The following ERCC6L variants were observed in gnomAD, a reference collection of about 807,000 sequenced individuals.
ERCC6L encodes the protein ERCC excision repair 6 like, spindle assembly checkpoint helicase.
In ERCC6L, 7 loss-of-function variants were observed where a neutral mutation model predicts 20.1. That is an observed-to-expected ratio of 0.35 (90% CI 0.20 to 0.65). ERCC6L has a LOEUF of 0.65. Among genes scored for constraint, ERCC6L ranks in the 30% least tolerant of loss-of-function variants. ERCC6L has a pLI of 0.69. For missense variants in ERCC6L, 592 were observed against 892.4 expected, an observed-to-expected ratio of 0.66 and a Z score of 4.29; for synonymous variants, 278 against 331.3, an observed-to-expected ratio of 0.84 and a Z score of 1.75.
intron 1 of ERCC6L, among the ~76,000 whole-genome samples, chrX:72,220,581 C>A (rs187596796): frequency 3.8e-4 from 42 of 111,025 alleles, no homozygotes; most frequent in Non-Finnish European, 7.2e-4. Flanking sequence ...GATAACCCCC[C>A]TCTGGCCAGG....
intron 1 of ERCC6L, among the ~76,000 whole-genome samples, chrX:72,219,718 G>A (rs955149518): frequency 1.1e-4 from 12 of 105,198 alleles, no homozygotes; most frequent in African/African-American, 3.2e-4. Context: ...GCGTGGTGGT[G>A]CACGCCTGTC....
intron 1 of ERCC6L, among the ~76,000 whole-genome samples, chrX:72,210,736 A>G (rs2042849611): frequency 9.0e-6 from 1 of 111,418 alleles, no homozygotes; most frequent in Non-Finnish European, 1.9e-5. Context: ...GCTGTGCTCT[A>G]CCCACCCTCT....
intron 1 of ERCC6L, among the ~76,000 whole-genome samples, chrX:72,234,475 A>T (rs1301371835): frequency 1.8e-5 from 2 of 112,332 alleles, no homozygotes; most frequent in Non-Finnish European, 3.8e-5. Flanking sequence ...AAGTTAGGAG[A>T]AAAGAAATAG....
chrX:72,207,730 T>G lies in ERCC6L; in HGVS notation c.1037A>C (p.Asn346Thr), dbSNP rs149128529. 4 of 1,211,766 alleles carry G rather than the reference T, an allele frequency of 3.3e-6. No individual in the cohort carries two copies. The Admixed American group carries it at 8.7e-5, about 26-fold the overall frequency. The change falls in exon 2 of 2, where the codon AAT (asparagine) becomes ACT (threonine). Residue 346 changes from asparagine to threonine, a missense_variant. This residue lies in a region of ERCC6L where 196 missense variants were observed against 440.1 expected (regional missense o/e 0.45). Coordinates refer to ENST00000334463, the MANE Select transcript of ERCC6L (RefSeq NM_017669.4). The stretch of plus-strand genomic sequence containing the variant: ...GGCATCAACATCTGGATTCTTTTCA[T>G]TAAGTCTGGCCTCTGGGTTGCTTGA... ...KKSSNPEARL[N>T]EKNPDVDAIC...
chrX:72,205,907 T>C lies in ERCC6L; in HGVS notation c.2860A>G (p.Asn954Asp), dbSNP rs2042816165. 8.3e-7 allele frequency: 1 copy of C among 1,211,149 alleles called. No homozygotes were observed. Among genetic ancestry groups the C allele is most frequent in the Admixed American group, 2.2e-5 (1 of 45,964 alleles). Residue 954 changes from asparagine (N) to aspartate (D), a missense_variant, in exon 2 of 2, where the codon AAT becomes GAT. Transcript: ENST00000334463. Reference protein sequence around the residue: ...ASSPQYACDFNLFLEDSADNR... With the variant: ...ASSPQYACDFDLFLEDSADNR... ...TCTGCTGAGTCTTCCAAGAAAAGAT[T>C]GAAATCACATGCATACTGTGGTGAA...
intron 1 of ERCC6L, among the ~76,000 whole-genome samples, chrX:72,218,728 CA>C (rs1222877084): frequency 9.0e-6 from 1 of 111,255 alleles, no homozygotes; most frequent in Non-Finnish European, 1.9e-5. Context: ...TCAATTTCTA[CA>C]AAAAAGCCAG....
At chrX:72,213,799 A>G (rs1454234913) in intron 1 of ERCC6L, among the ~76,000 whole-genome samples, 1 of 111,851 alleles carries the variant, frequency 8.9e-6, no homozygotes, top group African/African-American at 3.3e-5. Context: ...ATGTGGCCCA[A>G]GGTTCCATTC....
intron 1 of ERCC6L, among the ~76,000 whole-genome samples, chrX:72,213,793 G>A (rs2042871589): frequency 9.0e-6 from 1 of 111,712 alleles, no homozygotes; most frequent in African/African-American, 3.3e-5. Flanking sequence ...CTCACCATGT[G>A]GCCCAAGGTT....
chrX:72,230,856 T>C (rs765232808), intron 1 of ERCC6L, among the ~76,000 whole-genome samples: 1 of 111,598 alleles, frequency 9.0e-6, no homozygotes, highest in Admixed American at 9.5e-5. Context: ...TCCCAGCTAC[T>C]TGGGGGGCTG....
At chrX:72,236,596 C>T (rs1411474268) in intron 1 of ERCC6L, among the ~76,000 whole-genome samples, 1 of 111,881 alleles carries the variant, frequency 8.9e-6, no homozygotes, top group East Asian at 2.8e-4. Flanking sequence ...ACCCAGCCTA[C>T]AAAAATCTTT....
chrX:72,206,615 G>A lies in ERCC6L; in HGVS notation c.2152C>T (p.Leu718=). Residue 718 remains leucine, a synonymous_variant, in exon 2 of 2, where the codon CTG becomes TTG. Coordinates refer to ENST00000334463, the MANE Select transcript of ERCC6L (RefSeq NM_017669.4). ...TTTCTAGTTCTTTGTTGTTCCATCAGGAACTCTTTATTTTGAGACTCGAAT... is the reference window on the plus strand; with the variant it reads ...TTTCTAGTTCTTTGTTGTTCCATCAAGAACTCTTTATTTTGAGACTCGAAT... ...VEFESQNKEF[L]MEQQRTRNEG... 8.3e-7 allele frequency: 1 copy of A among 1,211,350 alleles called. No homozygotes were observed. The highest frequency in any genetic ancestry group is 1.1e-6 in the Non-Finnish European group (1 of 895,409).
chrX:72,233,038 G>A (rs1440727759), intron 1 of ERCC6L, among the ~76,000 whole-genome samples: 1 of 111,361 alleles, frequency 9.0e-6, no homozygotes, highest in Non-Finnish European at 1.9e-5. Context: ...TATCCTGAAC[G>A]TATTACTTCC....
chrX:72,210,187 G>T (rs991381368), intron 1 of ERCC6L, among the ~76,000 whole-genome samples: 1 of 69,689 alleles, frequency 1.4e-5, no homozygotes, highest in Non-Finnish European at 2.3e-5. Context: ...ATAACATAGC[G>T]AGACTGTCTC....
chrX:72,217,593 T>C (rs1005910909), intron 1 of ERCC6L, among the ~76,000 whole-genome samples: 5 of 111,862 alleles, frequency 4.5e-5, no homozygotes, highest in Non-Finnish European at 7.5e-5. Context: ...TATTTATGCA[T>C]ATATTGTGAA....
At position 72,238,999 on chromosome X, in the gene ERCC6L, T is replaced by C; in HGVS notation, c.-88A>G. 2 of 929,807 alleles carry C rather than the reference T, an allele frequency of 2.2e-6. No homozygotes were observed. The highest frequency in any genetic ancestry group is 6.8e-5 in the East Asian group (2 of 29,365). 76.6% of individuals were successfully genotyped at this position (929,807 alleles called of 1,213,427 possible). On this transcript the variant is annotated 5_prime_UTR_variant, in exon 1 of 2. Transcript: ENST00000334463. ...AGCTTGGAGCTTAGAGTTTGGAGCT[T>C]GAATTTCGCTCACTCCCGCCCCGCG...
rs367844894 is a variant in ERCC6L, at chrX:72,207,406, G to C, written c.1361C>G (p.Thr454Arg). The C allele has an allele frequency of 1.7e-6, 2 of 1,208,947 alleles. No individual in the cohort carries two copies. The highest frequency in any genetic ancestry group is 3.5e-5 in the African/African-American group (2 of 56,978). Reference sequence around the variant, plus strand: ...CATTTTTCCAGATTCTTCCATCAATGTGTCATCAGTTACTTGATCAATATG... The same window carrying C: ...CATTTTTCCAGATTCTTCCATCAATCTGTCATCAGTTACTTGATCAATATG... ...VDHIDQVTDD[T>R]LMEESGKMIF... The change falls in exon 2 of 2, where the codon ACA (threonine) becomes AGA (arginine). Residue 454 changes from threonine (T) to arginine (R), a missense_variant. Coordinates refer to ENST00000334463, the MANE Select transcript of ERCC6L (RefSeq NM_017669.4).
At chrX:72,231,473 T>C (rs2042983047) in intron 1 of ERCC6L, among the ~76,000 whole-genome samples, 2 of 111,108 alleles carry the variant, frequency 1.8e-5, no homozygotes, top group Non-Finnish European at 3.8e-5. Flanking sequence ...ACAGGAGGAA[T>C]AGGTTCTAGT....
intron 1 of ERCC6L, among the ~76,000 whole-genome samples, chrX:72,231,350 A>G (rs1158731500): frequency 1.8e-5 from 2 of 111,560 alleles, no homozygotes; most frequent in Non-Finnish European, 3.8e-5. Flanking sequence ...TCTCGCTTAT[A>G]CATGGAATCT....
In ERCC6L at chrX:72,219,707, G is replaced by A. The variant is rs2042911062; in HGVS notation, c.69-11009C>T. Among the ~76,000 whole-genome samples the A allele has an allele frequency of 3.7e-5, 4 of 109,393 alleles. No homozygotes were observed. In the South Asian group the frequency reaches 1.2e-3, roughly 33 times the overall value. The allele number at this position is 109,393 out of a possible 115,157, so 95.0% of individuals were successfully genotyped here. A position where few individuals can be genotyped will look rare whatever the true frequency, so the allele number is the denominator to read the frequency against. On this transcript the variant is annotated intron_variant, in intron 1 of 1. Coordinates refer to ENST00000334463, the MANE Select transcript of ERCC6L (RefSeq NM_017669.4). ...TACTAAAAATACAAAAAAATTAGCGGGCGTGGTGGTGCACGCCTGTCATCC... is the reference window on the plus strand; with the variant it reads ...TACTAAAAATACAAAAAAATTAGCGAGCGTGGTGGTGCACGCCTGTCATCC...
Sources: allele counts gnomAD v4.1 joint callset (sites outside exome capture counted in the v4.1 genomes callset), GRCh38; gene constraint gnomAD v4.1.1; regional missense constraint gnomAD v4.1.1; transcripts MANE v1.5; gene names NCBI Gene and HGNC (gene_info 2026-07-23, HGNC 2026-07-21).